TRPM3: variants seen among roughly 807,000 people sequenced by gnomAD.
TRPM3 encodes transient receptor potential cation channel subfamily M member 3.
A neutral mutation model predicts 181.2 loss-of-function variants in TRPM3; 77 were observed. The ratio of observed to expected loss-of-function variants is 0.42; its 90% CI spans 0.35 to 0.51. The LOEUF (loss-of-function observed/expected upper bound fraction) is 0.51, where lower values mean the gene tolerates loss of function less well. Among genes scored for constraint, TRPM3 ranks in the 20% least tolerant of loss-of-function variants. TRPM3 has a pLI of 0.01. For synonymous variants in TRPM3, 745 were observed against 796.4 expected (o/e 0.94, Z 1.09); for missense variants, 1,759 against 2,196.7 (o/e 0.80, Z 3.98).
chr9:71,147,981 C>T (rs990775021), intron 1 of TRPM3, among the ~76,000 whole-genome samples: 10 of 152,132 alleles, frequency 6.6e-5, no homozygotes, highest in African/African-American at 2.4e-4. Context: ...AAGAAGCTCA[C>T]CTTGAAAAAT....
rs2059547713 is a variant in TRPM3, at chr9:71,047,251, T to C, written c.177+73927A>G. ...TTGGAATTATTACCACTAGAGATTA[T>C]TAGGAATTACCATATTCTAAGTTTG... On this transcript the variant is annotated intron_variant, in intron 1 of 25. Transcript: ENST00000677713. Among the ~76,000 whole-genome samples the C allele has an allele frequency of 2.0e-5, 3 of 152,310 alleles. No individual in the cohort carries two copies. The Middle Eastern group carries it at 0.01, about 518-fold the overall frequency.
chr9:71,308,654 G>A (rs1365312937), intron 1 of TRPM3, among the ~76,000 whole-genome samples: 1 of 152,044 alleles, frequency 6.6e-6, no homozygotes, highest in Non-Finnish European at 1.5e-5. Flanking sequence ...ACAAAGTAAT[G>A]GGGGTTTTTT....
chr9:70,678,778 G>A (rs1480349632), intron 9 of TRPM3, among the ~76,000 whole-genome samples: 1 of 152,194 alleles, frequency 6.6e-6, no homozygotes, highest in African/African-American at 2.4e-5. Context: ...CATGTTACAT[G>A]CCCACGCATA....
intron 18 of TRPM3, among the ~76,000 whole-genome samples, chr9:70,614,515 A>G (rs946780589): frequency 6.6e-6 from 1 of 152,094 alleles, no homozygotes; most frequent in South Asian, 2.1e-4. Context: ...ATAAATAAAT[A>G]AAATGGGGAT....
chr9:71,169,410 A>C (rs909152855), intron 1 of TRPM3, among the ~76,000 whole-genome samples: 2 of 152,158 alleles, frequency 1.3e-5, no homozygotes, highest in Non-Finnish European at 2.9e-5. Context: ...TATGTAGGTA[A>C]ATGTTATTTA....
chr9:70,638,948 A>G (rs2057640933), intron 11 of TRPM3, 112 bp downstream of exon 11: 7 of 1,220,928 alleles, frequency 5.7e-6, no homozygotes, highest in Non-Finnish European at 8.0e-6. Flanking sequence ...GTGATGAATG[A>G]ACCATGCATT....
intron 1 of TRPM3, among the ~76,000 whole-genome samples, chr9:71,130,157 A>C (rs598707): frequency 0.95 from 144,191 of 152,240 alleles, 68,434 homozygotes; most frequent in South Asian, 0.98. Flanking sequence ...TAAATACTCA[A>C]CCAAGTTTAC....
intron 1 of TRPM3, among the ~76,000 whole-genome samples, chr9:71,088,678 T>C (rs536323631): frequency 6.6e-6 from 1 of 152,224 alleles, no homozygotes; most frequent in Non-Finnish European, 1.5e-5. Flanking sequence ...TAATGAGGTT[T>C]CCTCATTTTT....
At chr9:71,192,175 T>C (rs546380456) in intron 1 of TRPM3, among the ~76,000 whole-genome samples, 2 of 152,004 alleles carry the variant, frequency 1.3e-5, no homozygotes, top group East Asian at 1.9e-4. Context: ...CACCTTTATA[T>C]AGCATTTTTA....
intron 1 of TRPM3, among the ~76,000 whole-genome samples, chr9:70,915,573 G>A (rs2096585864): frequency 6.6e-6 from 1 of 151,788 alleles, no homozygotes; most frequent in Non-Finnish European, 1.5e-5. Context: ...CCACAGTGCT[G>A]GGATTACAGG....
intron 1 of TRPM3, among the ~76,000 whole-genome samples, chr9:71,164,076 C>A (rs889335483): frequency 2.4e-4 from 37 of 152,066 alleles, no homozygotes; most frequent in African/African-American, 8.7e-4. Flanking sequence ...TGCAGGGGCA[C>A]CTCCTGGCAT....
At chr9:71,061,264 A>T (rs773847274) in intron 1 of TRPM3, among the ~76,000 whole-genome samples, 1 of 152,110 alleles carries the variant, frequency 6.6e-6, no homozygotes, top group African/African-American at 2.4e-5. Context: ...ACCATGGGGA[A>T]TATGTAATCT....
chr9:70,875,323 CT>C (rs908205484), intron 1 of TRPM3, among the ~76,000 whole-genome samples: 1 of 151,732 alleles, frequency 6.6e-6, no homozygotes, highest in African/African-American at 2.4e-5. Context: ...TATATAGGGC[CT>C]TTTTTGAAAA....
At chr9:70,888,377 G>A (rs952761410) in intron 1 of TRPM3, among the ~76,000 whole-genome samples, 2 of 151,314 alleles carry the variant, frequency 1.3e-5, no homozygotes, top group African/African-American at 4.9e-5. Context: ...GTGTGTGTGT[G>A]TGTGTGTGTG....
chr9:71,256,414 T>C lies in TRPM3; in HGVS notation c.183+190239A>G, dbSNP rs560549819. Reference sequence around the variant, plus strand: ...GCGAGGCACATAGGATTGAAGAACATTGATGATAAAGGATCCCCCAGACTG... The same window carrying C: ...GCGAGGCACATAGGATTGAAGAACACTGATGATAAAGGATCCCCCAGACTG... On this transcript the variant is annotated intron_variant, in intron 1 of 24. Coordinates refer to the TRPM3 transcript ENST00000357533. 7.9e-5 allele frequency among the ~76,000 whole-genome samples: 12 copies of C among 152,188 alleles called. No homozygotes were observed. In the South Asian group the frequency reaches 1.5e-3, roughly 18 times the overall value.
intron 1 of TRPM3, among the ~76,000 whole-genome samples, chr9:71,233,460 C>T (rs1024005530): frequency 3.3e-5 from 5 of 152,086 alleles, no homozygotes; most frequent in Non-Finnish European, 7.4e-5. Flanking sequence ...GTATTGTATG[C>T]AAACTTAAAA....
chr9:71,083,402 A>T (rs1410459281), intron 1 of TRPM3, among the ~76,000 whole-genome samples: 2 of 151,894 alleles, frequency 1.3e-5, no homozygotes, highest in Non-Finnish European at 2.9e-5. Flanking sequence ...GGGGAATTAA[A>T]ACCCAAGTCT....
In TRPM3 at chr9:71,419,568, G is replaced by A. The variant is rs934341561; in HGVS notation, c.183+27085C>T. Among the ~76,000 whole-genome samples, 6 of 151,946 alleles carry A rather than the reference G, an allele frequency of 3.9e-5. 1 individual carries two copies. The East Asian group carries it at 1.2e-3, about 29-fold the overall frequency. The stretch of plus-strand genomic sequence containing the variant: ...ATCTTACTTTAACTTTCATAATGGG[G>A]TAATAGCAAAAGAGAAAAAACAAAA... On this transcript the variant is annotated intron_variant, in intron 1 of 24. Transcript: ENST00000357533.
chr9:71,180,090 C>T (rs1285871637), intron 1 of TRPM3, among the ~76,000 whole-genome samples: 1 of 127,940 alleles, frequency 7.8e-6, no homozygotes, highest in Admixed American at 9.0e-5. Flanking sequence ...GTTTCACTCT[C>T]ATTACCTAGG....
Sources: gnomAD v4.1 joint callset for allele counts (sites outside exome capture counted in the v4.1 genomes callset) on GRCh38, gnomAD v4.1.1 for gene constraint, MANE v1.5 for transcripts, NCBI Gene and HGNC (gene_info 2026-07-23, HGNC 2026-07-21) for gene names.